Variants in TSHR observed in about 807,000 individuals in gnomAD.
The protein encoded by TSHR is thyrotropin receptor.
A neutral mutation model predicts 64.1 loss-of-function variants in TSHR; 51 were observed. That is an observed-to-expected ratio of 0.80 (90% confidence interval 0.64 to 1.01). The LOEUF is 1.01. Among genes scored for constraint, TSHR ranks in the 50% least tolerant of loss-of-function variants. The pLI is 0.00. For synonymous variants in TSHR, 361 were observed against 361.9 expected (o/e 1.00, Z 0.03); for missense variants, 877 against 942.8 (o/e 0.93, Z 0.91).
At chr14:80,975,988 T>G (rs1887850714) in intron 1 of TSHR, among the ~76,000 whole-genome samples, 1 of 151,590 alleles carries the variant, frequency 6.6e-6, no homozygotes, top group South Asian at 2.1e-4. Flanking sequence ...CTTGGCTCAC[T>G]GCAAGCTCCG....
rs549645913 is a variant in TSHR at position 81,114,864 on chromosome 14, C to A, written c.692+6412C>A. 9.3e-3 allele frequency among the ~76,000 whole-genome samples: 1,411 copies of A among 151,992 alleles called. 27 individuals are homozygous for A. The highest frequency in any genetic ancestry group is 0.033 in the African/African-American group (1,345 of 41,378). ...AGGCAGACTGCCTCCTCAAGTGGGTCCCTGACCCCTGACCCCCGAGCAGCC... is the reference window on the plus strand; with the variant it reads ...AGGCAGACTGCCTCCTCAAGTGGGTACCTGACCCCTGACCCCCGAGCAGCC... On this transcript the variant is annotated intron_variant, in intron 8 of 9. Transcript: ENST00000298171.
intron 1 of TSHR, among the ~76,000 whole-genome samples, chr14:80,980,532 G>A (rs1426092686): frequency 6.6e-6 from 1 of 152,092 alleles, no homozygotes; most frequent in Non-Finnish European, 1.5e-5. Flanking sequence ...TTCTCTTGAT[G>A]TTTTCATCTT....
chr14:80,974,514 T>C (rs1887764934), intron 1 of TSHR, among the ~76,000 whole-genome samples: 1 of 152,158 alleles, frequency 6.6e-6, no homozygotes, highest in African/African-American at 2.4e-5. Context: ...TGGTTGGCCT[T>C]ATGTAGCATA....
intron 8 of TSHR, among the ~76,000 whole-genome samples, chr14:81,139,476 A>G (rs1192308625): frequency 6.6e-6 from 1 of 152,224 alleles, no homozygotes; most frequent in African/African-American, 2.4e-5. Flanking sequence ...TGGATACTGG[A>G]ATTCCAAGGA....
chr14:81,139,149 ATGT>A (rs1442132264), intron 8 of TSHR, among the ~76,000 whole-genome samples: 1 of 152,144 alleles, frequency 6.6e-6, no homozygotes, highest in Admixed American at 6.5e-5. Context: ...ATGGGGGGAA[ATGT>A]TGTCAGTCAT....
intron 1 of TSHR, among the ~76,000 whole-genome samples, chr14:81,021,172 G>C (rs1309190621): frequency 6.6e-6 from 1 of 152,100 alleles, no homozygotes; most frequent in African/African-American, 2.4e-5. Flanking sequence ...GACCCTGCCA[G>C]TCTATGGAAA....
At chr14:81,079,026 G>A (rs1887701630) in intron 3 of TSHR, 2 of 152,272 alleles carry the variant, frequency 1.3e-5, no homozygotes, top group South Asian at 4.2e-4. Flanking sequence ...GCAATTATAT[G>A]TCAGTTAACA....
At chr14:81,062,118 A>C (rs1249437380) in intron 1 of TSHR, 30 bp from the exon 2 acceptor site, 1 of 1,570,262 alleles carries the variant, frequency 6.4e-7, no homozygotes, top group Non-Finnish European at 8.7e-7. Context: ...AATGATTAAA[A>C]CTCTAATTAT....
chr14:81,096,517 G>C (rs1423377824), intron 6 of TSHR, 122 bp from the exon 7 acceptor site: 1 of 910,348 alleles, frequency 1.1e-6, no homozygotes, highest in Non-Finnish European at 1.8e-6. Flanking sequence ...GGATACATAT[G>C]TGGGACCTGA....
At chr14:81,043,873 G>A (rs1279335056) in intron 1 of TSHR, among the ~76,000 whole-genome samples, 1 of 152,136 alleles carries the variant, frequency 6.6e-6, no homozygotes, top group Admixed American at 6.6e-5. Flanking sequence ...TGAGAGTCCT[G>A]GCTAGCCATA....
intron 7 of TSHR, among the ~76,000 whole-genome samples, chr14:81,102,097 G>A (rs11625902): frequency 0.51 from 77,616 of 151,110 alleles, 21,962 homozygotes; most frequent in Middle Eastern, 0.65. Flanking sequence ...GTGTGAACCC[G>A]GGAGGCGGAG....
At chr14:80,990,463 C>T (rs755030399) in intron 1 of TSHR, among the ~76,000 whole-genome samples, 4 of 152,176 alleles carry the variant, frequency 2.6e-5, no homozygotes, top group Non-Finnish European at 5.9e-5. Flanking sequence ...GATTCCATGC[C>T]CTGCGGGAAG....
chr14:81,001,820 A>C (rs754002308), intron 1 of TSHR: 6 of 257,522 alleles, frequency 2.3e-5, no homozygotes, highest in Non-Finnish European at 3.9e-5. Context: ...ACCTCAGGCC[A>C]CTTAGGGGAA....
intron 1 of TSHR, chr14:81,032,880 C>A: frequency 2.7e-6 from 1 of 368,856 alleles, no homozygotes; most frequent in Non-Finnish European, 5.2e-6. Context: ...GCAGAACTCA[C>A]CTACACTAGA....
At chr14:81,115,116 A>G (rs1248262737) in intron 8 of TSHR, among the ~76,000 whole-genome samples, 1 of 152,166 alleles carries the variant, frequency 6.6e-6, no homozygotes, top group Non-Finnish European at 1.5e-5. Flanking sequence ...TCTAAAAAGC[A>G]GAGTGCCTCT....
chr14:81,017,791 T>C (rs977671581), intron 1 of TSHR, among the ~76,000 whole-genome samples: 4 of 150,950 alleles, frequency 2.6e-5, no homozygotes, highest in Non-Finnish European at 5.9e-5. Context: ...TCACTTCCCC[T>C]GGGAAGCCTG....
At chr14:81,021,942 G>A (rs1320930881) in intron 1 of TSHR, among the ~76,000 whole-genome samples, 6 of 152,136 alleles carry the variant, frequency 3.9e-5, no homozygotes, top group Non-Finnish European at 8.8e-5. Context: ...GGCATCCAAT[G>A]CATGGACTTG....
chr14:81,109,040 T>A, intron 8 of TSHR: 1 of 1,157,132 alleles, frequency 8.6e-7, no homozygotes, highest in African/African-American at 1.6e-5. Flanking sequence ...CTCTGTATCA[T>A]TGCCACCTTC....
intron 2 of TSHR, among the ~76,000 whole-genome samples, chr14:81,067,156 A>G (rs1886677182): frequency 6.6e-6 from 1 of 152,188 alleles, no homozygotes; most frequent in Non-Finnish European, 1.5e-5. Context: ...ATGTTCCACT[A>G]GAGAATTGCG....
Sources: allele counts gnomAD v4.1 joint callset (sites outside exome capture counted in the v4.1 genomes callset), GRCh38; gene constraint gnomAD v4.1.1; transcripts MANE v1.5; gene names NCBI Gene and HGNC (gene_info 2026-07-23, HGNC 2026-07-21).